Variants in CAMSAP1 observed in about 807,000 individuals in gnomAD.
CAMSAP1 encodes the protein calmodulin-regulated spectrin-associated protein 1.
Under a neutral mutation model 143.5 loss-of-function variants are expected in CAMSAP1, and 58 were observed. The ratio of observed to expected loss-of-function variants is 0.40; its 90% CI spans 0.33 to 0.50. The LOEUF is 0.50. Among genes scored for constraint, CAMSAP1 ranks in the 20% least tolerant of loss-of-function variants. The pLI is 0.45. For missense variants in CAMSAP1, 1,969 were observed against 2,115.7 expected, an observed-to-expected ratio of 0.93 and a Z score of 1.36; for synonymous variants, 945 against 859.3, an observed-to-expected ratio of 1.10 and a Z score of -1.74.
intron 8 of CAMSAP1, 37 bp downstream of exon 8, chr9:135,827,370 T>C: frequency 2.1e-6 from 3 of 1,454,576 alleles, no homozygotes; most frequent in Non-Finnish European, 1.8e-6. Flanking sequence ...GGACACAAGA[T>C]GGTGAACTGA....
At chr9:135,883,904 C>T (rs996207718) in intron 1 of CAMSAP1, among the ~76,000 whole-genome samples, 4 of 152,196 alleles carry the variant, frequency 2.6e-5, no homozygotes, top group Non-Finnish European at 4.4e-5. Context: ...CTGCAACATA[C>T]GCCGCCTCCC....
In CAMSAP1 at chr9:135,811,048, C is replaced by T. The variant is rs1564411122; in HGVS notation, c.*261G>A. 3.9e-6 allele frequency: 2 copies of T among 514,646 alleles called. No individual in the cohort carries two copies. Among genetic ancestry groups the T allele is most frequent in the Non-Finnish European group, 7.0e-6 (2 of 286,084 alleles). The allele number at this position is 514,646 out of a possible 1,614,324, so 31.9% of individuals were successfully genotyped here. ...GAGCCTCAGTGGTCAGCAGTGGCCA[C>T]AGCAGTGCGAGCCACTGCAAAAGCG... On this transcript the variant is annotated 3_prime_UTR_variant, in exon 17 of 17. Coordinates refer to ENST00000389532, the MANE Select transcript of CAMSAP1 (RefSeq NM_015447.4). The surrounding 1 kb of genome is among the most constrained non-coding windows in gnomAD (Gnocchi z 4.9).
chr9:135,827,276 G>A, intron 8 of CAMSAP1, 131 bp downstream of exon 8: 3 of 963,132 alleles, frequency 3.1e-6, no homozygotes, highest in Non-Finnish European at 4.3e-6. Flanking sequence ...GGCAGGGACA[G>A]AAGGAAAATC....
At chr9:135,835,364 G>A (rs1422014874) in intron 7 of CAMSAP1, among the ~76,000 whole-genome samples, 1 of 152,152 alleles carries the variant, frequency 6.6e-6, no homozygotes, top group Non-Finnish European at 1.5e-5. Context: ...GATTGGCGGG[G>A]AAGCAATCAC....
chr9:135,888,060 G>C (rs372272931), intron 1 of CAMSAP1, among the ~76,000 whole-genome samples: 10 of 152,134 alleles, frequency 6.6e-5, no homozygotes, highest in African/African-American at 2.2e-4. Context: ...CGGAGAGCAG[G>C]AGTTGGAGCG....
In CAMSAP1 at chr9:135,821,235, AGGGTGGCTGCTGGCAGGGAAG is replaced by A. The variant is rs765102540; in HGVS notation, c.3405_3425del (p.Phe1136_Pro1142del). ...CCAGGCCAGGGTCCGTGGGCGTCCG[AGGGTGGCTGCTGGCAGGGAAG>A]GGTCTCAAGTGCGGGAGCGTCTCTA... On this transcript the variant is annotated inframe_deletion, in exon 11 of 17. Coordinates refer to ENST00000389532, the MANE Select transcript of CAMSAP1 (RefSeq NM_015447.4). This position sits in a 1 kb window ranked among gnomAD's most constrained non-coding sequence, Gnocchi z 4.6. 6.8e-6 allele frequency: 11 copies of A among 1,608,116 alleles called. No individual in the cohort carries two copies. Among genetic ancestry groups the A allele is most frequent in the Non-Finnish European group, 9.3e-6 (11 of 1,179,744 alleles).
chr9:135,873,003 C>G (rs933043576), intron 3 of CAMSAP1, among the ~76,000 whole-genome samples: 4 of 152,194 alleles, frequency 2.6e-5, no homozygotes, highest in African/African-American at 9.7e-5. Flanking sequence ...TGAACTGACA[C>G]TGAAGACACT....
At chr9:135,845,804 T>TA (rs1836527566) in intron 7 of CAMSAP1, among the ~76,000 whole-genome samples, 1 of 152,020 alleles carries the variant, frequency 6.6e-6, no homozygotes, top group South Asian at 2.1e-4. Flanking sequence ...GAATACAACT[T>TA]ACAAGGGCTG....
chr9:135,833,065 T>A (rs1341765289), intron 7 of CAMSAP1, among the ~76,000 whole-genome samples: 2 of 147,412 alleles, frequency 1.4e-5, no homozygotes, highest in East Asian at 4.0e-4. Flanking sequence ...AGACCCAAAA[T>A]AGCCACAGTA....
chr9:135,851,663 T>C (rs764801409), intron 5 of CAMSAP1, among the ~76,000 whole-genome samples: 2 of 152,210 alleles, frequency 1.3e-5, no homozygotes, highest in Non-Finnish European at 2.9e-5. Context: ...TTGAGAAACT[T>C]ACATTCATGG....
intron 3 of CAMSAP1, among the ~76,000 whole-genome samples, chr9:135,880,427 GA>G (rs890957471): frequency 1.1e-4 from 16 of 152,160 alleles, no homozygotes; most frequent in African/African-American, 3.1e-4. Flanking sequence ...CTGAGTCCTA[GA>G]AAACCCTGTG....
chr9:135,886,637 C>A (rs901074911), intron 1 of CAMSAP1, among the ~76,000 whole-genome samples: 1 of 152,156 alleles, frequency 6.6e-6, no homozygotes, highest in Non-Finnish European at 1.5e-5. Context: ...TAGGCGGGCA[C>A]ACAAGGAATG....
chr9:135,885,540 C>T (rs558760749), intron 1 of CAMSAP1, among the ~76,000 whole-genome samples: 1 of 152,234 alleles, frequency 6.6e-6, no homozygotes, highest in Non-Finnish European at 1.5e-5. Flanking sequence ...AGGGTGAGCC[C>T]CAGGGAGAAT....
Position 135,850,395 on chromosome 9 carries a change from A to T in CAMSAP1, c.875T>A (p.Phe292Tyr). Residue 292 changes from phenylalanine (F) to tyrosine (Y), a missense_variant, in exon 6 of 17, where the codon TTC becomes TAC. Phe to Tyr is a conservative substitution (Grantham distance 22, BLOSUM62 3). This residue lies in a region of CAMSAP1 where 221 missense variants were observed against 298.2 expected (regional missense o/e 0.74). Transcript: ENST00000389532. ...SLYNIRLLRE[F>Y]SNEYLNKCFY... ...ACATTTATTAAGATATTCATTGGAGAATTCTCTCAGAAGCCGAATATTATA... is the reference window on the plus strand; with the variant it reads ...ACATTTATTAAGATATTCATTGGAGTATTCTCTCAGAAGCCGAATATTATA... The T allele has an allele frequency of 6.2e-7, 1 of 1,612,318 alleles. No individual in the cohort carries two copies. Among genetic ancestry groups the T allele is most frequent in the Non-Finnish European group, 8.5e-7 (1 of 1,179,384 alleles).
chr9:135,870,549 T>C (rs1837536145), intron 3 of CAMSAP1, among the ~76,000 whole-genome samples: 1 of 152,112 alleles, frequency 6.6e-6, no homozygotes, highest in African/African-American at 2.4e-5. Context: ...ATCCCAGCAC[T>C]TTGGGAGCCC....
At chr9:135,819,726 A>G (rs977816984) in intron 11 of CAMSAP1, among the ~76,000 whole-genome samples, 49 of 151,640 alleles carry the variant, frequency 3.2e-4, no homozygotes, top group Non-Finnish European at 4.6e-4. Flanking sequence ...ACACGCCTGT[A>G]ATCCCAGCTA....
At chr9:135,817,015 G>C (rs988510271) in intron 14 of CAMSAP1, among the ~76,000 whole-genome samples, 1 of 152,178 alleles carries the variant, frequency 6.6e-6, no homozygotes, top group African/African-American at 2.4e-5. Flanking sequence ...TCAGCAGCGC[G>C]AGGCCTCAGT....
intron 7 of CAMSAP1, among the ~76,000 whole-genome samples, chr9:135,832,989 C>G (rs965624497): frequency 6.6e-6 from 1 of 151,680 alleles, no homozygotes; most frequent in African/African-American, 2.4e-5. Context: ...CAATGCCTAT[C>G]AAAATCCCAA....
chr9:135,862,654 C>T, intron 4 of CAMSAP1, 46 bp from the exon 5 acceptor site: 1 of 1,544,360 alleles, frequency 6.5e-7, no homozygotes, highest in Non-Finnish European at 8.8e-7. Flanking sequence ...GATGTCTCTT[C>T]ACTACCATAT....
Sources: allele counts gnomAD v4.1 joint callset (sites outside exome capture counted in the v4.1 genomes callset), GRCh38; gene constraint gnomAD v4.1.1; regional missense constraint gnomAD v4.1.1; non-coding constraint Gnocchi (gnomAD v3.1); transcripts MANE v1.5; gene names NCBI Gene and HGNC (gene_info 2026-07-23, HGNC 2026-07-21).